Variants in DOCK10 observed in about 807,000 individuals in gnomAD.
DOCK10 encodes the protein dedicator of cytokinesis protein 10.
Under a neutral mutation model 280.1 loss-of-function variants are expected in DOCK10, and 145 were observed. The observed-to-expected ratio is 0.52, with a 90% CI of 0.45 to 0.59. The LOEUF (loss-of-function observed/expected upper bound fraction) is 0.59. Ranked by LOEUF, DOCK10 falls within the 20% of genes least tolerant of loss-of-function variation. The pLI, the probability that DOCK10 is intolerant of heterozygous loss-of-function variation, is 0.00. For synonymous variants in DOCK10, 915 were observed against 942.2 expected, an observed-to-expected ratio of 0.97 and a Z score of 0.53; for missense variants, 2,368 against 2,651.7, an observed-to-expected ratio of 0.89 and a Z score of 2.35.
At chr2:224,857,009 G>A (rs773178346) in intron 14 of DOCK10, 27 bp from the exon 15 acceptor site, 2 of 1,569,122 alleles carry the variant, frequency 1.3e-6, no homozygotes, top group Non-Finnish European at 1.7e-6. Context: ...ATTCAGGTTG[G>A]TAGTTGGATA....
intron 2 of DOCK10, among the ~76,000 whole-genome samples, chr2:224,929,400 G>T (rs16866354): frequency 0.046 from 6,957 of 152,228 alleles, 207 homozygotes; most frequent in Middle Eastern, 0.11. Flanking sequence ...GTGTGTTATA[G>T]AATAGTATGT....
At chr2:224,911,963 T>C (rs1330218146) in intron 3 of DOCK10, among the ~76,000 whole-genome samples, 3 of 152,184 alleles carry the variant, frequency 2.0e-5, no homozygotes, top group Middle Eastern at 3.4e-3. Context: ...AGATTTTGAG[T>C]GCTCCACATG....
In DOCK10 at chr2:224,898,743, A is replaced by AT. The variant is rs554015280; in HGVS notation, c.334-2367dup. ...AGGTGCCCGCCACCACGCCGGGCTAATTTTTTGTATTTTTAGTAGAGACGG... is the reference window on the plus strand; with the variant it reads ...AGGTGCCCGCCACCACGCCGGGCTAATTTTTTTGTATTTTTAGTAGAGACGG... On this transcript the variant is annotated intron_variant, in intron 3 of 55. Transcript: ENST00000258390. Among the ~76,000 whole-genome samples, 53 of 152,080 alleles carry AT rather than the reference A, an allele frequency of 3.5e-4. 1 individual carries two copies. In the South Asian group the frequency reaches 5.2e-3, roughly 15 times the overall value.
At chr2:224,842,181 C>A (rs1469021683) in intron 22 of DOCK10, among the ~76,000 whole-genome samples, 1 of 152,310 alleles carries the variant, frequency 6.6e-6, no homozygotes, top group South Asian at 2.1e-4. Context: ...CTTGGTTGTG[C>A]TTTTTGTGTT....
At chr2:224,883,811 T>C (rs1488182252) in intron 7 of DOCK10, among the ~76,000 whole-genome samples, 2 of 152,224 alleles carry the variant, frequency 1.3e-5, no homozygotes, top group East Asian at 1.9e-4. Context: ...ATAAGTTCTA[T>C]GATTCTTTGA....
Position 225,000,199 on chromosome 2 carries a change from CACACAGACACACACACACACACACAG to C in DOCK10, c.123+42027_123+42052del, listed in dbSNP as rs1293404858. On this transcript the variant is annotated intron_variant, in intron 1 of 55. Transcript: ENST00000258390. ...ATTGGGATCACTCAAGTCACACACA[CACACAGACACACACACACACACACAG>C]ACACACACACACACACACATGCAAT... 2.4e-5 allele frequency among the ~76,000 whole-genome samples: 3 copies of C among 125,632 alleles called. 1 individual carries two copies. Among genetic ancestry groups the C allele is most frequent in the Non-Finnish European group, 5.2e-5 (3 of 57,560 alleles). 82.4% of individuals were successfully genotyped at this position (125,632 alleles called of 152,430 possible). A position where few individuals can be genotyped will look rare whatever the true frequency, so the allele number is the denominator to read the frequency against.
chr2:224,974,096 T>C (rs1305753147), intron 1 of DOCK10, among the ~76,000 whole-genome samples: 2 of 152,184 alleles, frequency 1.3e-5, no homozygotes. Flanking sequence ...TTATCATGAT[T>C]ACAATTTTCC....
intron 19 of DOCK10, among the ~76,000 whole-genome samples, chr2:224,849,229 C>A (rs893893285): frequency 1.3e-5 from 2 of 152,216 alleles, no homozygotes; most frequent in African/African-American, 4.8e-5. Flanking sequence ...CTGCCTTGGC[C>A]TCCCAAAGTG....
chr2:224,884,138 A>G (rs1414104554), intron 7 of DOCK10, among the ~76,000 whole-genome samples: 4 of 152,180 alleles, frequency 2.6e-5, no homozygotes, highest in South Asian at 2.1e-4. Context: ...TTAAAATGCA[A>G]TTATCTTTCA....
At position 224,875,927 on chromosome 2, in the gene DOCK10, C is replaced by G. The variant is rs1488380038; in HGVS notation, c.931+111G>C. The G allele has an allele frequency of 4.6e-6, 5 of 1,080,448 alleles. No homozygotes were observed. The East Asian group carries it at 1.2e-4, about 26-fold the overall frequency. The allele number at this position is 1,080,448 out of a possible 1,614,324, so 66.9% of individuals were successfully genotyped here. Reference sequence around the variant, plus strand: ...TAGTGATTCTTGGAACAAACAGCCCCAGGATGGATGAGCTAGACCAGACAG... The same window carrying G: ...TAGTGATTCTTGGAACAAACAGCCCGAGGATGGATGAGCTAGACCAGACAG... On this transcript the variant is annotated intron_variant, in intron 8 of 55. Coordinates refer to ENST00000258390, the MANE Select transcript of DOCK10 (RefSeq NM_014689.3).
intron 1 of DOCK10, among the ~76,000 whole-genome samples, chr2:225,006,668 T>C (rs557567755): frequency 2.0e-5 from 3 of 152,336 alleles, no homozygotes; most frequent in African/African-American, 7.2e-5. Context: ...ACATCTCTTA[T>C]TTGTATTGAT....
At chr2:224,814,416 T>C (rs1248436586) in intron 30 of DOCK10, 52 bp from the exon 31 acceptor site, 2 of 980,784 alleles carry the variant, frequency 2.0e-6, no homozygotes, top group South Asian at 1.7e-5. Flanking sequence ...CATACTCAGA[T>C]ACATATGTAT....
At chr2:224,848,451 A>T (rs943437982) in intron 19 of DOCK10, among the ~76,000 whole-genome samples, 3 of 152,190 alleles carry the variant, frequency 2.0e-5, no homozygotes, top group Non-Finnish European at 2.9e-5. Flanking sequence ...CCATGAGCCC[A>T]ATGACTTTCT....
intron 2 of DOCK10, among the ~76,000 whole-genome samples, chr2:224,922,621 T>C (rs35986205): frequency 0.57 from 86,622 of 151,988 alleles, 25,433 homozygotes; most frequent in Non-Finnish European, 0.64. Context: ...CTTTCTGGTT[T>C]CTTGTAGCCT....
intron 13 of DOCK10, among the ~76,000 whole-genome samples, chr2:224,863,827 T>C (rs1697692051): frequency 6.6e-6 from 1 of 152,224 alleles, no homozygotes; most frequent in African/African-American, 2.4e-5. Context: ...AGTAGAAACA[T>C]ATTACCTGTA....
chr2:224,777,701 G>A (rs1008329974), intron 51 of DOCK10, among the ~76,000 whole-genome samples: 1 of 152,150 alleles, frequency 6.6e-6, no homozygotes, highest in Non-Finnish European at 1.5e-5. Context: ...CCCTGTGATC[G>A]TGTGAGTCAA....
intron 25 of DOCK10, among the ~76,000 whole-genome samples, chr2:224,835,173 G>T (rs2125422100): frequency 6.6e-6 from 1 of 152,316 alleles, no homozygotes; most frequent in South Asian, 2.1e-4. Context: ...GGAGAAAGAT[G>T]AAGTTAATGG....
At chr2:224,977,805 T>C (rs780873528) in intron 1 of DOCK10, among the ~76,000 whole-genome samples, 66 of 152,336 alleles carry the variant, frequency 4.3e-4, no homozygotes, top group African/African-American at 1.5e-3. Context: ...CTTTGGACTA[T>C]ATAGGCTAGA....
intron 29 of DOCK10, among the ~76,000 whole-genome samples, chr2:224,818,298 C>T (rs557399340): frequency 6.6e-6 from 1 of 152,062 alleles, no homozygotes; most frequent in East Asian, 1.9e-4. Flanking sequence ...GATAGTCACA[C>T]AGTGACGAAA....
Sources: allele counts gnomAD v4.1 joint callset (sites outside exome capture counted in the v4.1 genomes callset), GRCh38; gene constraint gnomAD v4.1.1; transcripts MANE v1.5; gene names NCBI Gene and HGNC (gene_info 2026-07-23, HGNC 2026-07-21).